ABTB2: variants seen among roughly 807,000 people sequenced by gnomAD.
ABTB2 encodes ankyrin repeat and BTB/POZ domain-containing protein 2.
Under a neutral mutation model 104.1 loss-of-function variants are expected in ABTB2, and 56 were observed. That is an observed-to-expected ratio of 0.54 (90% CI 0.43 to 0.67). The LOEUF is 0.67. ABTB2 is among the 30% of genes least tolerant of loss of function. The probability of loss-of-function intolerance (pLI) is 0.00; values close to 1 mark genes in which losing one functional copy is unlikely to be tolerated. For missense variants in ABTB2, 1,279 were observed against 1,407.7 expected (o/e 0.91, Z 1.46); for synonymous variants, 606 against 608.2 (o/e 1.00, Z 0.05).
At chr11:34,327,879 G>A (rs998072346) in intron 1 of ABTB2, among the ~76,000 whole-genome samples, 10 of 152,102 alleles carry the variant, frequency 6.6e-5, no homozygotes, top group Admixed American at 3.3e-4. Context: ...CGGCAGCTGC[G>A]TGTACATGGT....
At chr11:34,195,891 C>A (rs560666251) in intron 3 of ABTB2, among the ~76,000 whole-genome samples, 4 of 152,280 alleles carry the variant, frequency 2.6e-5, no homozygotes, top group Non-Finnish European at 5.9e-5. Flanking sequence ...TCAATGCCCC[C>A]CAAAGACAGC....
At chr11:34,278,584 C>T (rs1231947840) in intron 1 of ABTB2, among the ~76,000 whole-genome samples, 1 of 152,108 alleles carries the variant, frequency 6.6e-6, no homozygotes, top group African/African-American at 2.4e-5. Flanking sequence ...AATGTGCTGG[C>T]CTCCATTTTG....
At chr11:34,308,275 T>C (rs1854802687) in intron 1 of ABTB2, among the ~76,000 whole-genome samples, 1 of 152,214 alleles carries the variant, frequency 6.6e-6, no homozygotes, top group African/African-American at 2.4e-5. Context: ...ACCTGACACA[T>C]AACAAGTCCT....
intron 1 of ABTB2, among the ~76,000 whole-genome samples, chr11:34,267,543 A>G (rs1211998687): frequency 6.6e-6 from 1 of 152,232 alleles, no homozygotes; most frequent in Non-Finnish European, 1.5e-5. Context: ...AACAAAAAAA[A>G]TCCTAGACTT....
At chr11:34,211,491 G>A (rs12272398) in intron 1 of ABTB2, among the ~76,000 whole-genome samples, 23,166 of 151,932 alleles carry the variant, frequency 0.15, 1,882 homozygotes, top group East Asian at 0.27. Flanking sequence ...AGAGAGGCTG[G>A]GGGGATGGGT....
rs1337337101 is a variant in ABTB2, at chr11:34,272,535, G to A, written c.884-67845C>T. ...ATCCTGGCTAACACAGTGAAACCCC[G>A]TCTCTACTAAAAATACAAAAAACTA... On this transcript the variant is annotated intron_variant, in intron 1 of 16. Coordinates refer to ENST00000435224, the MANE Select transcript of ABTB2 (RefSeq NM_145804.3). Among the ~76,000 whole-genome samples the A allele has an allele frequency of 3.3e-5, 5 of 151,482 alleles. No homozygotes were observed. In the East Asian group the frequency reaches 5.8e-4, roughly 18 times the overall value.
intron 1 of ABTB2, among the ~76,000 whole-genome samples, chr11:34,274,314 A>C (rs577159668): frequency 2.6e-5 from 4 of 152,246 alleles, no homozygotes; most frequent in Non-Finnish European, 4.4e-5. Context: ...AAAGAACAGA[A>C]GATGACAGAA....
chr11:34,252,933 G>A lies in ABTB2; in HGVS notation c.884-48243C>T, dbSNP rs1304976682. Among the ~76,000 whole-genome samples, 3 of 152,088 alleles carry A rather than the reference G, an allele frequency of 2.0e-5. No individual in the cohort carries two copies. Among genetic ancestry groups the A allele is most frequent in the East Asian group, 3.9e-4 (2 of 5,160 alleles). The stretch of plus-strand genomic sequence containing the variant: ...CGATTCCACCCCTCCACCCCCAGGA[G>A]GAAGAGCTGCTTTGGCAGCTGCCCT... On this transcript the variant is annotated intron_variant, in intron 1 of 16. Coordinates refer to ENST00000435224, the MANE Select transcript of ABTB2 (RefSeq NM_145804.3). The surrounding 1 kb of genome is among the most constrained non-coding windows in gnomAD (Gnocchi z 5.5).
chr11:34,167,468 A>G lies in ABTB2; in HGVS notation c.1654-108T>C, dbSNP rs981564533. On this transcript the variant is annotated intron_variant, in intron 6 of 16. Transcript: ENST00000435224. ...CAAGTGCTTTCTACATTCGATTGAT[A>G]ATGTTTGCCTGGAGCACAAAGTGGA... The G allele has an allele frequency of 4.4e-6, 4 of 906,092 alleles. No homozygotes were observed. The Admixed American group carries it at 9.4e-5, about 21-fold the overall frequency. 56.1% of individuals were successfully genotyped at this position (906,092 alleles called of 1,614,324 possible).
intron 1 of ABTB2, among the ~76,000 whole-genome samples, chr11:34,210,451 C>T (rs1290603807): frequency 6.6e-6 from 1 of 152,220 alleles, no homozygotes; most frequent in Admixed American, 6.5e-5. Flanking sequence ...TATACACACA[C>T]ACAACTTTAA....
At position 34,154,607 on chromosome 11, in the gene ABTB2, G is replaced by A. The variant is rs781522982; in HGVS notation, c.2766+94C>T. ...GGAACTGCTCTTCCTGTCAGATGGA[G>A]AGGAAGAGCCACCTTCCCTCTGAAG... is the stretch of plus-strand genomic sequence containing the variant. On this transcript the variant is annotated intron_variant, in intron 15 of 16. Transcript: ENST00000435224. This position sits in a 1 kb window ranked among gnomAD's most constrained non-coding sequence, Gnocchi z 4.9. 3.2e-5 allele frequency: 41 copies of A among 1,273,532 alleles called. No homozygotes were observed. The highest frequency in any genetic ancestry group is 4.2e-5 in the Non-Finnish European group (37 of 884,578). 78.9% of individuals were successfully genotyped at this position (1,273,532 alleles called of 1,614,324 possible).
chr11:34,202,566 T>G (rs1853357169), intron 2 of ABTB2, among the ~76,000 whole-genome samples: 1 of 152,142 alleles, frequency 6.6e-6, no homozygotes, highest in Non-Finnish European at 1.5e-5. Flanking sequence ...TGGGGCTAGG[T>G]GCAGTGGCTC....
chr11:34,229,410 G>A (rs553068754), intron 1 of ABTB2, among the ~76,000 whole-genome samples: 2 of 150,538 alleles, frequency 1.3e-5, no homozygotes, highest in South Asian at 4.2e-4. Flanking sequence ...GAACCCGGGA[G>A]GTGGAGCTTG....
At chr11:34,245,060 C>A (rs1447879767) in intron 1 of ABTB2, among the ~76,000 whole-genome samples, 4 of 152,216 alleles carry the variant, frequency 2.6e-5, no homozygotes, top group African/African-American at 4.8e-5. Context: ...ATGAATAAAT[C>A]TCCATAAAGC....
intron 3 of ABTB2, among the ~76,000 whole-genome samples, chr11:34,179,998 C>G (rs910122923): frequency 8.5e-5 from 13 of 152,190 alleles, no homozygotes; most frequent in African/African-American, 3.1e-4. Flanking sequence ...AACATGGTAA[C>G]TTCTCCATAA....
At chr11:34,251,472 T>A (rs1382812413) in intron 1 of ABTB2, among the ~76,000 whole-genome samples, 1 of 152,200 alleles carries the variant, frequency 6.6e-6, no homozygotes, top group Non-Finnish European at 1.5e-5. Flanking sequence ...CTGGCTCTGT[T>A]AAAGGGACCC....
Position 34,237,276 on chromosome 11 carries a change from C to CTT in ABTB2, c.884-32588_884-32587dup, listed in dbSNP as rs561473313. Among the ~76,000 whole-genome samples the CTT allele has an allele frequency of 3.7e-3, 433 of 116,182 alleles. 2 individuals carry two copies. The highest frequency in any genetic ancestry group is 0.011 in the African/African-American group (315 of 29,426). 76.2% of individuals were successfully genotyped at this position (116,182 alleles called of 152,430 possible). On this transcript the variant is annotated intron_variant, in intron 1 of 16. Coordinates refer to ENST00000435224, the MANE Select transcript of ABTB2 (RefSeq NM_145804.3). ...TGTCCTCGTGATTTTCCTGGATATT[C>CTT]TTTTTTTTTTTTTTTTTTTTTTTAG...
At chr11:34,264,001 G>A (rs750410838) in intron 1 of ABTB2, among the ~76,000 whole-genome samples, 24 of 152,184 alleles carry the variant, frequency 1.6e-4, no homozygotes, top group African/African-American at 3.9e-4. Flanking sequence ...GGAGTCTGAC[G>A]TTTGGCTGGC....
chr11:34,351,515 G>T (rs1855397794), intron 1 of ABTB2, among the ~76,000 whole-genome samples: 1 of 152,140 alleles, frequency 6.6e-6, no homozygotes, highest in Admixed American at 6.5e-5. Flanking sequence ...AGAAAGCAGG[G>T]TACCCAAAGG....
Sources: gnomAD v4.1 joint callset for allele counts (sites outside exome capture counted in the v4.1 genomes callset) on GRCh38, gnomAD v4.1.1 for gene constraint, Gnocchi (gnomAD v3.1) non-coding constraint, MANE v1.5 for transcripts, NCBI Gene and HGNC (gene_info 2026-07-23, HGNC 2026-07-21) for gene names.